The following MAP6 variants were observed in gnomAD, a reference collection of about 807,000 sequenced individuals.
MAP6 encodes microtubule associated protein 6.
Under a neutral mutation model 42.4 loss-of-function variants are expected in MAP6, and 26 were observed. That is an observed-to-expected ratio of 0.61 (90% CI 0.45 to 0.85). The LOEUF (loss-of-function observed/expected upper bound fraction) is 0.85. Among genes scored for constraint, MAP6 ranks in the 40% least tolerant of loss-of-function variants. The pLI is 0.00. For synonymous variants in MAP6, 418 were observed against 443.8 expected (o/e 0.94, Z 0.73); for missense variants, 966 against 1,099.0 (o/e 0.88, Z 1.71).
chr11:75,654,977 G>A (rs184735228), intron 1 of MAP6, among the ~76,000 whole-genome samples: 215 of 152,266 alleles, frequency 1.4e-3, no homozygotes, highest in Admixed American at 6.5e-3. Context: ...ACTAGCCACT[G>A]TTGCGCCCCT....
At chr11:75,653,273 T>G (rs1943680270) in intron 1 of MAP6, among the ~76,000 whole-genome samples, 1 of 152,218 alleles carries the variant, frequency 6.6e-6, no homozygotes, top group Non-Finnish European at 1.5e-5. Flanking sequence ...GCAAGCTGAA[T>G]GGACTTTCTT....
At chr11:75,604,583 T>G in intron 3 of MAP6, 1 of 984,818 alleles carries the variant, frequency 1.0e-6, no homozygotes, top group Non-Finnish European at 1.2e-6. Flanking sequence ...TTGAGTTCCC[T>G]CACAAGCACT....
intron 1 of MAP6, among the ~76,000 whole-genome samples, chr11:75,612,241 C>T (rs1942909142): frequency 6.6e-6 from 1 of 152,248 alleles, no homozygotes; most frequent in Non-Finnish European, 1.5e-5. Flanking sequence ...ATCATTCATT[C>T]ATTCATTCAT....
Position 75,668,018 on chromosome 11 carries a change from C to A in MAP6, c.352G>T (p.Asp118Tyr). 1 of 1,235,490 alleles carries A rather than the reference C, an allele frequency of 8.1e-7. No homozygotes were observed. The highest frequency in any genetic ancestry group is 3.7e-5 in the South Asian group (1 of 27,030). The allele number at this position is 1,235,490 out of a possible 1,614,324, so 76.5% of individuals were successfully genotyped here. The change falls in exon 1 of 4, where the codon GAC (aspartate) becomes TAC (tyrosine). Residue 118 changes from aspartate to tyrosine, a missense_variant. Around this residue, in one of 2 missense-constraint regions of MAP6, gnomAD observed 943 missense variants for 1,049.9 expected, o/e 0.90. Coordinates refer to ENST00000304771, the MANE Select transcript of MAP6 (RefSeq NM_033063.2). ...CGGTAATCCTGCCGCATCACCGAGTCCGCGGGGCCGGAGGTGGAGCCGGAG... is the reference window on the plus strand; with the variant it reads ...CGGTAATCCTGCCGCATCACCGAGTACGCGGGGCCGGAGGTGGAGCCGGAG... ...LGSGSTSGPADSVMRQDYRAW... is the reference protein window; with the variant it reads ...LGSGSTSGPAYSVMRQDYRAW...
chr11:75,636,187 C>T (rs926660170), intron 1 of MAP6: 3 of 152,168 alleles, frequency 2.0e-5, no homozygotes, highest in Non-Finnish European at 2.9e-5. Flanking sequence ...TGAATCTGCC[C>T]AACAACCTTG....
chr11:75,592,606 C>G (rs1942501302), intron 3 of MAP6, among the ~76,000 whole-genome samples: 1 of 152,108 alleles, frequency 6.6e-6, no homozygotes, highest in Non-Finnish European at 1.5e-5. Context: ...CATCATCTAC[C>G]TGGACCACTG....
At chr11:75,609,648 T>C (rs192074110) in intron 1 of MAP6, among the ~76,000 whole-genome samples, 2 of 152,348 alleles carry the variant, frequency 1.3e-5, no homozygotes, top group African/African-American at 4.8e-5. Context: ...CTGTCTTAGT[T>C]GATAAAGCTG....
At chr11:75,590,050 G>T (rs927645721) in intron 3 of MAP6, among the ~76,000 whole-genome samples, 1 of 152,170 alleles carries the variant, frequency 6.6e-6, no homozygotes, top group African/African-American at 2.4e-5. Context: ...GAACACAGCT[G>T]CTCTGGCCAG....
intron 1 of MAP6, among the ~76,000 whole-genome samples, chr11:75,612,537 T>C (rs986496074): frequency 5.9e-5 from 9 of 152,178 alleles, no homozygotes; most frequent in Admixed American, 2.0e-4. Context: ...AGTCTGAGTC[T>C]GTATGGCAGG....
chr11:75,631,359 T>C (rs1943280994), intron 1 of MAP6, among the ~76,000 whole-genome samples: 1 of 152,224 alleles, frequency 6.6e-6, no homozygotes, highest in Non-Finnish European at 1.5e-5. Flanking sequence ...AGCTTCCTCA[T>C]CTGTAAACAG....
At chr11:75,604,703 C>T in intron 3 of MAP6, 1 of 985,270 alleles carries the variant, frequency 1.0e-6, no homozygotes, top group Non-Finnish European at 1.2e-6. Context: ...ACACACACGA[C>T]ACGGAATATA....
At chr11:75,597,409 C>A (rs1048381579) in intron 3 of MAP6, 1 of 152,192 alleles carries the variant, frequency 6.6e-6, no homozygotes, top group African/African-American at 2.4e-5. Context: ...CTAGGGAGAA[C>A]TAAATAAATT....
intron 1 of MAP6, among the ~76,000 whole-genome samples, chr11:75,641,989 A>G (rs1943478187): frequency 6.6e-6 from 1 of 152,266 alleles, no homozygotes; most frequent in Non-Finnish European, 1.5e-5. Flanking sequence ...GCCAGTTATT[A>G]AGCACAACCA....
intron 1 of MAP6, among the ~76,000 whole-genome samples, chr11:75,663,913 G>A (rs1481166641): frequency 1.3e-5 from 2 of 152,186 alleles, no homozygotes; most frequent in East Asian, 3.8e-4. Context: ...TTTCACCCTG[G>A]TTTATTAATT....
chr11:75,622,053 C>CA (rs529674330), intron 1 of MAP6, among the ~76,000 whole-genome samples: 39 of 151,518 alleles, frequency 2.6e-4, no homozygotes, highest in Admixed American at 7.9e-4. Flanking sequence ...ACAACAACAA[C>CA]AAAAAAACCC....
At chr11:75,611,491 A>G (rs909847517) in intron 1 of MAP6, among the ~76,000 whole-genome samples, 35 of 152,254 alleles carry the variant, frequency 2.3e-4, no homozygotes, top group Non-Finnish European at 3.2e-4. Context: ...CTGGTACATC[A>G]TCTTCACATG....
At chr11:75,604,033 A>G in intron 3 of MAP6, 1 of 985,838 alleles carries the variant, frequency 1.0e-6, no homozygotes, top group South Asian at 4.7e-5. Context: ...CACTCTAGTC[A>G]TTTCCTGATA....
chr11:75,594,993 G>C (rs950038157), intron 3 of MAP6, among the ~76,000 whole-genome samples: 1 of 152,192 alleles, frequency 6.6e-6, no homozygotes, highest in African/African-American at 2.4e-5. Context: ...CTGTCACTTT[G>C]TTGGAGAAGT....
At chr11:75,649,293 A>G (rs754006824) in intron 1 of MAP6, among the ~76,000 whole-genome samples, 3 of 152,200 alleles carry the variant, frequency 2.0e-5, no homozygotes, top group Non-Finnish European at 2.9e-5. Flanking sequence ...TGAAAAAAAC[A>G]AAGTGACAGA....
Sources: gnomAD v4.1 joint callset for allele counts (sites outside exome capture counted in the v4.1 genomes callset) on GRCh38, gnomAD v4.1.1 for gene constraint, gnomAD v4.1.1 regional missense constraint, MANE v1.5 for transcripts, NCBI Gene and HGNC (gene_info 2026-07-23, HGNC 2026-07-21) for gene names.